DRC11: variants seen among roughly 807,000 people sequenced by gnomAD.
DRC11 encodes the protein dynein regulatory complex subunit 11, also known as IQ and AAA domain-containing protein 1.
the DRC11 span, among the ~76,000 whole-genome samples, chr2:236,428,638 T>C: frequency 6.6e-6 from 1 of 152,176 alleles, no homozygotes; most frequent in South Asian, 2.1e-4. Flanking sequence ...AAAGGTAAAG[T>C]TAATCTCTTG....
chr2:236,311,699 T>C, the DRC11 span, among the ~76,000 whole-genome samples: 1 of 108,042 alleles, frequency 9.3e-6, no homozygotes, highest in Non-Finnish European at 2.2e-5. This position sits in a 1 kb window ranked among gnomAD's most constrained non-coding sequence, Gnocchi z 6.9. Flanking sequence ...ATGGGGTGCG[T>C]GTGTGTGTGT....
the DRC11 span, among the ~76,000 whole-genome samples, chr2:236,423,972 G>A: frequency 4.1e-5 from 6 of 148,120 alleles, no homozygotes; most frequent in South Asian, 6.4e-4. Context: ...AACACCGCAT[G>A]TTCTCACTCA....
At chr2:236,416,780 C>A in the DRC11 span, among the ~76,000 whole-genome samples, 13 of 95,438 alleles carry the variant, frequency 1.4e-4, no homozygotes, top group East Asian at 3.8e-4. Flanking sequence ...AATAATTTTG[C>A]GACAGAGTCT....
At chr2:236,344,380 C>T in the DRC11 span, among the ~76,000 whole-genome samples, 2 of 152,202 alleles carry the variant, frequency 1.3e-5, no homozygotes, top group Non-Finnish European at 2.9e-5. Context: ...CTCATAAAGT[C>T]AGACCACAGA....
chr2:236,334,618 G>T, the DRC11 span, among the ~76,000 whole-genome samples: 2 of 152,112 alleles, frequency 1.3e-5, no homozygotes, highest in Admixed American at 1.3e-4. This position sits in a 1 kb window ranked among gnomAD's most constrained non-coding sequence, Gnocchi z 7.8. Context: ...TTTGGCCTTT[G>T]GCTCCCCTTC....
At chr2:236,402,951 G>C in the DRC11 span, among the ~76,000 whole-genome samples, 7 of 152,164 alleles carry the variant, frequency 4.6e-5, no homozygotes, top group Non-Finnish European at 8.8e-5. This position sits in a 1 kb window ranked among gnomAD's most constrained non-coding sequence, Gnocchi z 6.0. Context: ...CTGTCTGTCT[G>C]TCTCTCTCTT....
chr2:236,436,301 A>G, the DRC11 span, among the ~76,000 whole-genome samples: 3 of 152,094 alleles, frequency 2.0e-5, no homozygotes, highest in African/African-American at 7.2e-5. Context: ...TTCCTCAGTT[A>G]TCATATACCT....
the DRC11 span, among the ~76,000 whole-genome samples, chr2:236,380,909 G>A: frequency 2.0e-5 from 3 of 152,210 alleles, no homozygotes; most frequent in Admixed American, 6.5e-5. This position sits in a 1 kb window ranked among gnomAD's most constrained non-coding sequence, Gnocchi z 4.9. Flanking sequence ...AGAGCATTCT[G>A]ACTTTCTGGG....
the DRC11 span, among the ~76,000 whole-genome samples, chr2:236,498,030 G>A: frequency 6.6e-6 from 1 of 152,120 alleles, no homozygotes; most frequent in African/African-American, 2.4e-5. Context: ...ACCAGTAAGA[G>A]AGTGGATAAA....
At chr2:236,502,880 G>C in the DRC11 span, among the ~76,000 whole-genome samples, 2 of 149,980 alleles carry the variant, frequency 1.3e-5, no homozygotes, top group East Asian at 2.0e-4. Flanking sequence ...ACTTGAACCC[G>C]GGAGGCGGAG....
At chr2:236,357,110 T>G in the DRC11 span, among the ~76,000 whole-genome samples, 2 of 133,328 alleles carry the variant, frequency 1.5e-5, no homozygotes, top group Non-Finnish European at 3.1e-5. Flanking sequence ...GTATATTATA[T>G]ATCTATATAT....
the DRC11 span, chr2:236,331,579 A>T: frequency 1.2e-6 from 2 of 1,613,558 alleles, no homozygotes; most frequent in Admixed American, 3.3e-5. This position sits in a 1 kb window ranked among gnomAD's most constrained non-coding sequence, Gnocchi z 4.8. Flanking sequence ...ATTGCGTTCA[A>T]TGATTTGCTT....
the DRC11 span, among the ~76,000 whole-genome samples, chr2:236,392,969 C>A: frequency 6.6e-6 from 1 of 152,010 alleles, no homozygotes; most frequent in African/African-American, 2.4e-5. This position sits in a 1 kb window ranked among gnomAD's most constrained non-coding sequence, Gnocchi z 5.1. Context: ...GAAACATGAC[C>A]CTAGACAAAG....
the DRC11 span, among the ~76,000 whole-genome samples, chr2:236,316,885 G>C: frequency 1.3e-5 from 2 of 152,300 alleles, no homozygotes; most frequent in African/African-American, 4.8e-5. This position sits in a 1 kb window ranked among gnomAD's most constrained non-coding sequence, Gnocchi z 6.8. Flanking sequence ...ATGCTCTGGG[G>C]CGAGCAGCTG....
At chr2:236,356,930 ATT>A in the DRC11 span, among the ~76,000 whole-genome samples, 2 of 134,596 alleles carry the variant, frequency 1.5e-5, no homozygotes, top group African/African-American at 2.7e-5. Context: ...ATTCATATAT[ATT>A]TATATATTAT....
At chr2:236,348,885 C>T in the DRC11 span, among the ~76,000 whole-genome samples, 1 of 152,164 alleles carries the variant, frequency 6.6e-6, no homozygotes, top group African/African-American at 2.4e-5. This position sits in a 1 kb window ranked among gnomAD's most constrained non-coding sequence, Gnocchi z 7.4. Flanking sequence ...ACTCTGGTAG[C>T]TTCAGCTGGC....
At chr2:236,333,898 A>T in the DRC11 span, among the ~76,000 whole-genome samples, 2 of 152,194 alleles carry the variant, frequency 1.3e-5, no homozygotes, top group African/African-American at 2.4e-5. This position sits in a 1 kb window ranked among gnomAD's most constrained non-coding sequence, Gnocchi z 6.0. Context: ...ACAATTAGGC[A>T]TCAAGGCTTT....
chr2:236,312,922 T>C, the DRC11 span, among the ~76,000 whole-genome samples: 1 of 152,114 alleles, frequency 6.6e-6, no homozygotes, highest in Admixed American at 6.5e-5. Flanking sequence ...TGAAAAACTT[T>C]ATGCTGATAA....
chr2:236,392,386 AAAATTTTAAAAAGATATAGGTTAATG>A, the DRC11 span: 2 of 1,202,088 alleles, frequency 1.7e-6, no homozygotes, highest in South Asian at 2.9e-5. The surrounding 1 kb of genome is among the most constrained non-coding windows in gnomAD (Gnocchi z 5.1). Context: ...AGAAAAAGAA[AAAATTTTAAAAAGATATAGGTTAATG>A]AAATTTTAAA....
Sources: gnomAD v4.1 joint callset for allele counts (sites outside exome capture counted in the v4.1 genomes callset) on GRCh38, gnomAD v4.1.1 for gene constraint, Gnocchi (gnomAD v3.1) non-coding constraint, MANE v1.5 for transcripts, NCBI Gene and HGNC (gene_info 2026-07-23, HGNC 2026-07-21) for gene names.